The following EFNB2 variants were observed in gnomAD, a reference collection of about 807,000 sequenced individuals.
The protein encoded by EFNB2 is ephrin B2, also known as ephrin-B2.
EFNB2 carries 5 observed loss-of-function variants against 32.1 expected under a neutral mutation model. That is an observed-to-expected ratio of 0.16 (90% CI 0.08 to 0.33). EFNB2 has a LOEUF of 0.33. Ranked by LOEUF, EFNB2 falls within the 10% of genes least tolerant of loss-of-function variation. The pLI, the probability that EFNB2 is intolerant of heterozygous loss-of-function variation, is 1.00. For missense variants in EFNB2, 263 were observed against 422.6 expected (o/e 0.62, Z 3.31); for synonymous variants, 168 against 166.5 (o/e 1.01, Z -0.07).
intron 1 of EFNB2, among the ~76,000 whole-genome samples, chr13:106,530,197 A>G (rs1351004260): frequency 6.6e-6 from 1 of 152,128 alleles, no homozygotes; most frequent in Non-Finnish European, 1.5e-5. Context: ...TGTTCGGAAC[A>G]TGTCCCATTT....
chr13:106,511,516 G>T (rs566966275), intron 2 of EFNB2, among the ~76,000 whole-genome samples: 1 of 152,226 alleles, frequency 6.6e-6, no homozygotes, highest in Admixed American at 6.5e-5. Flanking sequence ...GCGGCTCATA[G>T]GTTGAGATGC....
chr13:106,499,436 GA>G (rs1308933761), intron 2 of EFNB2, among the ~76,000 whole-genome samples: 8 of 151,872 alleles, frequency 5.3e-5, no homozygotes, highest in East Asian at 1.9e-4. Flanking sequence ...TAATGCTTGG[GA>G]AAAAAAATCT....
chr13:106,501,423 G>A (rs894846760), intron 2 of EFNB2, among the ~76,000 whole-genome samples: 1 of 151,830 alleles, frequency 6.6e-6, no homozygotes, highest in Non-Finnish European at 1.5e-5. Flanking sequence ...CTTTCCGAGG[G>A]CCTCATTATT....
rs750990232 is a variant in EFNB2 at position 106,535,080 on chromosome 13, G to A, written c.-116C>T. On this transcript the variant is annotated 5_prime_UTR_variant, in exon 1 of 5. Transcript: ENST00000646441. ...CGGGGAAGACGGCGTGCGCCCGCAG[G>A]CAGCTCCGAGGCGCGCTGCGCAGCT... The A allele has an allele frequency of 4.9e-6, 7 of 1,432,346 alleles. No individual in the cohort carries two copies. The highest frequency in any genetic ancestry group is 2.1e-5 in the Admixed American group (1 of 46,554). The allele number at this position is 1,432,346 out of a possible 1,614,324, so 88.7% of individuals were successfully genotyped here.
At chr13:106,519,859 T>C (rs1483371819) in intron 1 of EFNB2, 1 of 152,216 alleles carries the variant, frequency 6.6e-6, no homozygotes, top group Non-Finnish European at 1.5e-5. Flanking sequence ...TCTTTCATAA[T>C]TGACTTTAAA....
Position 106,518,079 on chromosome 13 carries a change from C to G in EFNB2, c.123-5267G>C, listed in dbSNP as rs1461593676. 1.3e-5 allele frequency: 2 copies of G among 152,218 alleles called. No individual in the cohort carries two copies. Among genetic ancestry groups the G allele is most frequent in the Non-Finnish European group, 2.9e-5 (2 of 68,056 alleles). 9.4% of individuals were successfully genotyped at this position (152,218 alleles called of 1,614,324 possible). ...ATGTTGCCAGGCGTGGTGGCTCACG[C>G]CTATAATCCCAGCACTTTGGGAGGC... On this transcript the variant is annotated intron_variant, in intron 1 of 4. Transcript: ENST00000646441. This position sits in a 1 kb window ranked among gnomAD's most constrained non-coding sequence, Gnocchi z 4.1.
chr13:106,497,082 A>G (rs1424987177), intron 2 of EFNB2, among the ~76,000 whole-genome samples: 3 of 152,242 alleles, frequency 2.0e-5, no homozygotes, highest in South Asian at 2.1e-4. Context: ...TTTGTTTTCC[A>G]AACAGTAGGT....
At chr13:106,530,414 G>A (rs932890419) in intron 1 of EFNB2, among the ~76,000 whole-genome samples, 5 of 152,134 alleles carry the variant, frequency 3.3e-5, no homozygotes, top group African/African-American at 9.7e-5. Flanking sequence ...CAAAGGGTGA[G>A]CTCATAAGCA....
Position 106,493,062 on chromosome 13 carries a change from G to C in EFNB2, c.980C>G (p.Ala327Gly), listed in dbSNP as rs776275451. The C allele has an allele frequency of 6.2e-7, 1 of 1,611,890 alleles. No homozygotes were observed. The highest frequency in any genetic ancestry group is 2.2e-5 in the East Asian group (1 of 44,812). ...IVQEMPPQSPANIYYKV is the reference protein window; with the variant it reads ...IVQEMPPQSPGNIYYKV ...CTCTCAGACCTTGTAGTAAATGTTC[G>C]CCGGGCTCTGCGGGGGCATCTCCTG... Residue 327 changes from alanine (A) to glycine (G), a missense_variant, in exon 5 of 5, where the codon GCG becomes GGG. Physicochemically the swap from Ala to Gly is moderately conservative, Grantham distance 60. Around this residue, in one of 3 missense-constraint regions of EFNB2, gnomAD observed 172 missense variants for 237.1 expected, o/e 0.73. Coordinates refer to ENST00000646441, the MANE Select transcript of EFNB2 (RefSeq NM_004093.4). The surrounding 1 kb of genome is among the most constrained non-coding windows in gnomAD (Gnocchi z 6.1).
intron 2 of EFNB2, among the ~76,000 whole-genome samples, chr13:106,504,877 A>T (rs757008235): frequency 6.6e-6 from 1 of 152,224 alleles, no homozygotes; most frequent in Non-Finnish European, 1.5e-5. Flanking sequence ...TATATGATGT[A>T]GCAACTTTCT....
chr13:106,527,659 G>C (rs1879745128), intron 1 of EFNB2, among the ~76,000 whole-genome samples: 1 of 152,214 alleles, frequency 6.6e-6, no homozygotes, highest in African/African-American at 2.4e-5. Context: ...TTGTCTGCTG[G>C]AATAACAGAA....
At chr13:106,515,626 C>T (rs892701035) in intron 1 of EFNB2, among the ~76,000 whole-genome samples, 97 of 152,252 alleles carry the variant, frequency 6.4e-4, no homozygotes, top group Admixed American at 1.3e-3. Flanking sequence ...ATACAAAAGG[C>T]CCCAATCCTT....
intron 4 of EFNB2, among the ~76,000 whole-genome samples, chr13:106,494,534 G>A (rs924873567): frequency 1.3e-5 from 2 of 152,206 alleles, no homozygotes; most frequent in Non-Finnish European, 2.9e-5. Flanking sequence ...TGAGGGATTA[G>A]CACATTAATT....
intron 1 of EFNB2, among the ~76,000 whole-genome samples, chr13:106,515,369 G>A (rs1013305658): frequency 1.7e-4 from 26 of 152,158 alleles, no homozygotes; most frequent in Admixed American, 1.3e-3. Flanking sequence ...GTCAGTGACG[G>A]CAATCCGGGG....
chr13:106,495,626 G>T, intron 3 of EFNB2, 122 bp downstream of exon 3: 1 of 890,998 alleles, frequency 1.1e-6, no homozygotes, highest in South Asian at 1.6e-5. Context: ...AAGTGCAGAA[G>T]GGTTTGCTTT....
At position 106,535,098 on chromosome 13, in the gene EFNB2, G is replaced by A; in HGVS notation, c.-134C>T. On this transcript the variant is annotated 5_prime_UTR_variant, in exon 1 of 5. Coordinates refer to ENST00000646441, the MANE Select transcript of EFNB2 (RefSeq NM_004093.4). ...CCCGCAGGCAGCTCCGAGGCGCGCT[G>A]CGCAGCTCCAGCGGTCGCCGGGCCA... is the stretch of plus-strand genomic sequence containing the variant. The A allele has an allele frequency of 8.1e-7, 1 of 1,229,996 alleles. No individual in the cohort carries two copies. The highest frequency in any genetic ancestry group is 2.9e-5 in the East Asian group (1 of 34,174). 76.2% of individuals were successfully genotyped at this position (1,229,996 alleles called of 1,614,324 possible).
chr13:106,504,944 G>GA (rs1878902614), intron 2 of EFNB2, among the ~76,000 whole-genome samples: 1 of 152,010 alleles, frequency 6.6e-6, no homozygotes, highest in Admixed American at 6.5e-5. Flanking sequence ...TAGATTTATT[G>GA]AAAAAATGGA....
intron 2 of EFNB2, among the ~76,000 whole-genome samples, chr13:106,496,220 G>A (rs1237805579): frequency 2.0e-5 from 3 of 152,100 alleles, no homozygotes; most frequent in African/African-American, 4.8e-5. Flanking sequence ...ATTTCCAAAC[G>A]TGGTAATCAT....
chr13:106,501,442 G>A (rs992730034), intron 2 of EFNB2, among the ~76,000 whole-genome samples: 2 of 151,994 alleles, frequency 1.3e-5, no homozygotes, highest in Non-Finnish European at 1.5e-5. Flanking sequence ...TTCTTGTTTA[G>A]TTTAATATAT....
Sources: gnomAD v4.1 joint callset for allele counts (sites outside exome capture counted in the v4.1 genomes callset) on GRCh38, gnomAD v4.1.1 for gene constraint, gnomAD v4.1.1 regional missense constraint, Gnocchi (gnomAD v3.1) non-coding constraint, MANE v1.5 for transcripts, NCBI Gene and HGNC (gene_info 2026-07-23, HGNC 2026-07-21) for gene names.